Variants in SPTAN1 observed in about 807,000 individuals in gnomAD.
The protein encoded by SPTAN1 is spectrin alpha chain, non-erythrocytic 1.
SPTAN1 carries 61 observed loss-of-function variants against 331.3 expected under a neutral mutation model. That is an observed-to-expected ratio of 0.18 (90% CI 0.15 to 0.23). The LOEUF (loss-of-function observed/expected upper bound fraction) is 0.23. SPTAN1 is among the 10% of genes least tolerant of loss of function. The pLI is 1.00. For missense variants in SPTAN1, 2,043 were observed against 3,147.9 expected, an observed-to-expected ratio of 0.65 and a Z score of 8.40; for synonymous variants, 1,153 against 1,173.9, an observed-to-expected ratio of 0.98 and a Z score of 0.36.
Position 128,583,956 on chromosome 9 carries a change from T to G in SPTAN1, c.2180T>G (p.Val727Gly). ...AAACATGCACTGCTAGAGGCAGATGTGGCTGCTCACCAGGTAGTGTGAACT... is the reference window on the plus strand; with the variant it reads ...AAACATGCACTGCTAGAGGCAGATGGGGCTGCTCACCAGGTAGTGTGAACT... Reference protein sequence around the residue: ...QKKHALLEADVAAHQDRIDGI... With the variant: ...QKKHALLEADGAAHQDRIDGI... The change falls in exon 16 of 57, where the codon GTG becomes GGG. Residue 727 changes from valine (V) to glycine (G), a missense_variant. Transcript: ENST00000372739. 6.2e-7 allele frequency: 1 copy of G among 1,614,188 alleles called. No individual in the cohort carries two copies. Among genetic ancestry groups the G allele is most frequent in the Non-Finnish European group, 8.5e-7 (1 of 1,180,018 alleles).
chr9:128,595,106 G>C (rs974727354), intron 24 of SPTAN1, among the ~76,000 whole-genome samples: 1 of 145,074 alleles, frequency 6.9e-6, no homozygotes, highest in African/African-American at 2.6e-5. Flanking sequence ...CACCGTGCCC[G>C]GCCTCAGTTT....
Position 128,627,537 on chromosome 9 carries a change from C to A in SPTAN1, c.6689+39C>A. 1 of 1,520,284 alleles carries A rather than the reference C, an allele frequency of 6.6e-7. No individual in the cohort carries two copies. Among genetic ancestry groups the A allele is most frequent in the Non-Finnish European group, 8.9e-7 (1 of 1,119,164 alleles). The allele number at this position is 1,520,284 out of a possible 1,614,324, so 94.2% of individuals were successfully genotyped here. On this transcript the variant is annotated intron_variant, in intron 50 of 56. Coordinates refer to ENST00000372739, the MANE Select transcript of SPTAN1 (RefSeq NM_001130438.3). This position sits in a 1 kb window ranked among gnomAD's most constrained non-coding sequence, Gnocchi z 4.9. ...GGGGCCGGGGAGCAGCAGCATGTCC[C>A]TGCTGTACTTAAGCCCTGGGGAGCT...
Position 128,581,101 on chromosome 9 carries a change from G to A in SPTAN1, c.1461+42G>A, listed in dbSNP as rs190096460. 2.2e-4 allele frequency: 352 copies of A among 1,612,590 alleles called. 4 individuals are homozygous for A. In the East Asian group the frequency reaches 4.5e-3, roughly 21 times the overall value. The stretch of plus-strand genomic sequence containing the variant: ...GCCTTGCCAGTGGTGGGAGAAGAAG[G>A]GCCTGTGTTTTGCCTCCTCGGGTAG... On this transcript the variant is annotated intron_variant, in intron 11 of 56. Transcript: ENST00000372739.
Position 128,571,572 on chromosome 9 carries a change from C to T in SPTAN1, c.363+2675C>T, listed in dbSNP as rs370501393. Among the ~76,000 whole-genome samples, 23 of 151,976 alleles carry T rather than the reference C, an allele frequency of 1.5e-4. No individual in the cohort carries two copies. The East Asian group carries it at 3.3e-3, about 22-fold the overall frequency. On this transcript the variant is annotated intron_variant, in intron 3 of 56. Coordinates refer to ENST00000372739, the MANE Select transcript of SPTAN1 (RefSeq NM_001130438.3). Reference sequence around the variant, plus strand: ...TGCACTCTGGCTTGGGCAACAAGAGCGAAATTCTGTCTGAAAAAAGTAAAA... The same window carrying T: ...TGCACTCTGGCTTGGGCAACAAGAGTGAAATTCTGTCTGAAAAAAGTAAAA...
intron 24 of SPTAN1, among the ~76,000 whole-genome samples, chr9:128,594,850 CAG>C (rs1854045064): frequency 9.3e-6 from 1 of 107,600 alleles, no homozygotes; most frequent in African/African-American, 3.5e-5. Flanking sequence ...CCTTTTGAGA[CAG>C]AGTCTCTCTT....
Position 128,625,273 on chromosome 9 carries a change from A to T in SPTAN1, c.6069+94A>T. ...TTCACTGAGGCATTTATCTTCTGTT[A>T]GCCCCTGGGGATCAGCAGGAAAAAG... On this transcript the variant is annotated intron_variant, in intron 47 of 56. Coordinates refer to ENST00000372739, the MANE Select transcript of SPTAN1 (RefSeq NM_001130438.3). The surrounding 1 kb of genome is among the most constrained non-coding windows in gnomAD (Gnocchi z 4.1). The T allele has an allele frequency of 7.8e-7, 1 of 1,278,136 alleles. No homozygotes were observed. Among genetic ancestry groups the T allele is most frequent in the South Asian group, 1.2e-5 (1 of 81,430 alleles). 79.2% of individuals were successfully genotyped at this position (1,278,136 alleles called of 1,614,324 possible). A position where few individuals can be genotyped will look rare whatever the true frequency, so the allele number is the denominator to read the frequency against.
At position 128,566,991 on chromosome 9, in the gene SPTAN1, C is replaced by T. The variant is rs1850108141; in HGVS notation, c.237+14C>T. ...ACCAACTTGCAGGTACGTCTGATCT[C>T]CTGGGATTCCTGCCAAAATTCAAGA... On this transcript the variant is annotated intron_variant, in intron 2 of 56. Transcript: ENST00000372739. The T allele has an allele frequency of 1.2e-6, 2 of 1,613,726 alleles. No individual in the cohort carries two copies. The highest frequency in any genetic ancestry group is 3.3e-4 in the Middle Eastern group (2 of 6,062).
At chr9:128,607,579 A>G (rs1856055008) in intron 31 of SPTAN1, 25 bp from the exon 32 acceptor site, 4 of 1,594,506 alleles carry the variant, frequency 2.5e-6, no homozygotes, top group Non-Finnish European at 2.6e-6. Context: ...TATAATAGCT[A>G]TTTTTCTGGG....
At chr9:128,571,182 G>C (rs1168294896) in intron 3 of SPTAN1, among the ~76,000 whole-genome samples, 1 of 152,048 alleles carries the variant, frequency 6.6e-6, no homozygotes, top group African/African-American at 2.4e-5. Context: ...CCCAGCTACT[G>C]GGGAGGCTGA....
At chr9:128,595,692 C>T (rs79844555) in intron 24 of SPTAN1, among the ~76,000 whole-genome samples, 79 of 152,282 alleles carry the variant, frequency 5.2e-4, no homozygotes, top group African/African-American at 1.8e-3. Flanking sequence ...ACATATCCGT[C>T]AAGCATTCAT....
At chr9:128,554,814 A>T in intron 1 of SPTAN1, among the ~76,000 whole-genome samples, 1 of 152,164 alleles carries the variant, frequency 6.6e-6, no homozygotes, top group Non-Finnish European at 1.5e-5. Flanking sequence ...GCAAACCATC[A>T]CCTCTCTTCC....
At chr9:128,576,381 A>C (rs779777414) in intron 5 of SPTAN1, among the ~76,000 whole-genome samples, 1 of 152,180 alleles carries the variant, frequency 6.6e-6, no homozygotes, top group South Asian at 2.1e-4. Flanking sequence ...AAAAGAAAAA[A>C]AGAAATGTCG....
intron 1 of SPTAN1, chr9:128,555,209 CAGAG>C (rs771431868): frequency 6.0e-5 from 31 of 513,040 alleles, no homozygotes; most frequent in African/African-American, 3.4e-4. Context: ...TACAGAATGT[CAGAG>C]AGAAGACACT....
At chr9:128,613,347 C>A in intron 39 of SPTAN1, 34 bp from the exon 40 acceptor site, 1 of 1,581,558 alleles carries the variant, frequency 6.3e-7, no homozygotes, top group Non-Finnish European at 8.7e-7. Context: ...ATACACCACA[C>A]AGTAGCCTTT....
intron 49 of SPTAN1, chr9:128,626,990 A>G (rs1361030490): frequency 1.8e-6 from 1 of 567,098 alleles, no homozygotes; most frequent in Non-Finnish European, 3.3e-6. Flanking sequence ...AATTATTTTA[A>G]TTTTTGTAGA....
In SPTAN1 at chr9:128,625,575, G is replaced by A. The variant is rs1443995307; in HGVS notation, c.6070-194G>A. On this transcript the variant is annotated intron_variant, in intron 47 of 56. Coordinates refer to ENST00000372739, the MANE Select transcript of SPTAN1 (RefSeq NM_001130438.3). This position sits in a 1 kb window ranked among gnomAD's most constrained non-coding sequence, Gnocchi z 4.1. ...GCGGAAGGCTGGGGTCAGGGAGGTG[G>A]GAGGAGGCTGCCGCAGTGATCTGCG... Among the ~76,000 whole-genome samples, 1 of 152,188 alleles carries A rather than the reference G, an allele frequency of 6.6e-6. No homozygotes were observed. Among genetic ancestry groups the A allele is most frequent in the Non-Finnish European group, 1.5e-5 (1 of 68,042 alleles).
At chr9:128,594,854 GTC>G (rs1854046490) in intron 24 of SPTAN1, among the ~76,000 whole-genome samples, 1 of 126,282 alleles carries the variant, frequency 7.9e-6, no homozygotes, top group South Asian at 2.6e-4. Flanking sequence ...TTGAGACAGA[GTC>G]TCTCTTTTGT....
chr9:128,622,517 T>G (rs990597270), intron 45 of SPTAN1, among the ~76,000 whole-genome samples: 9 of 151,948 alleles, frequency 5.9e-5, no homozygotes, highest in Non-Finnish European at 1.3e-4. Context: ...CAGGCTGGTC[T>G]CGAACTCCTG....
chr9:128,579,612 A>G, intron 9 of SPTAN1, 25 bp from the exon 10 acceptor site: 4 of 1,585,894 alleles, frequency 2.5e-6, no homozygotes, highest in Non-Finnish European at 1.7e-6. Context: ...GGCACAAATC[A>G]TGGCTTTGTT....
Sources: allele counts gnomAD v4.1 joint callset (sites outside exome capture counted in the v4.1 genomes callset), GRCh38; gene constraint gnomAD v4.1.1; non-coding constraint Gnocchi (gnomAD v3.1); transcripts MANE v1.5; gene names NCBI Gene and HGNC (gene_info 2026-07-23, HGNC 2026-07-21).